COL19A1: variants seen among roughly 807,000 people sequenced by gnomAD.
COL19A1 encodes the protein collagen type XIX alpha 1 chain.
COL19A1 carries 159 observed loss-of-function variants against 190.2 expected under a neutral mutation model. That is an observed-to-expected ratio of 0.84 (90% CI 0.73 to 0.95). COL19A1 has a LOEUF of 0.95. Ranked by LOEUF, COL19A1 falls within the 40% of genes least tolerant of loss-of-function variation. The pLI is 0.00. For missense variants in COL19A1, 1,418 were observed against 1,431.9 expected, an observed-to-expected ratio of 0.99 and a Z score of 0.16; for synonymous variants, 509 against 458.9, an observed-to-expected ratio of 1.11 and a Z score of -1.39.
intron 11 of COL19A1, among the ~76,000 whole-genome samples, chr6:69,976,412 T>C (rs1249863139): frequency 6.6e-6 from 1 of 152,224 alleles, no homozygotes; most frequent in Non-Finnish European, 1.5e-5. Context: ...TATTTGATCA[T>C]TTAGGACCCA....
chr6:69,938,173 A>G (rs1470329904), intron 9 of COL19A1, 73 bp downstream of exon 9: 3 of 1,360,782 alleles, frequency 2.2e-6, no homozygotes, highest in Non-Finnish European at 2.1e-6. Context: ...TGTTCATCTC[A>G]TTTTTCTTTA....
At chr6:70,067,688 CCCGCATTTAATGGTTG>C (rs1781326137) in intron 14 of COL19A1, among the ~76,000 whole-genome samples, 2 of 151,994 alleles carry the variant, frequency 1.3e-5, no homozygotes. Flanking sequence ...ACAAAAATCT[CCCGCATTTAATGGTTG>C]ATTAGGGAAG....
At chr6:70,161,976 G>A (rs1459343142) in intron 35 of COL19A1, 23 bp downstream of exon 35, 1 of 1,579,456 alleles carries the variant, frequency 6.3e-7, no homozygotes, top group African/African-American at 1.4e-5. Context: ...TAAAACGATT[G>A]CACTCACAGC....
At position 70,121,862 on chromosome 6, in the gene COL19A1, G is replaced by C. The variant is rs772150703; in HGVS notation, c.1279-18G>C. 74 of 1,502,280 alleles carry C rather than the reference G, an allele frequency of 4.9e-5. No individual in the cohort carries two copies. The highest frequency in any genetic ancestry group is 6.5e-5 in the Non-Finnish European group (72 of 1,103,396). 93.1% of individuals were successfully genotyped at this position (1,502,280 alleles called of 1,614,324 possible). On this transcript the variant is annotated intron_variant, in intron 16 of 50. Transcript: ENST00000620364. ...GGTAAATGTGTATATATTTGTCTTT[G>C]ATTTGTTTATAATACAGGGACCTCC...
At chr6:69,963,817 T>A (rs1352686717) in intron 11 of COL19A1, among the ~76,000 whole-genome samples, 2 of 152,216 alleles carry the variant, frequency 1.3e-5, no homozygotes, top group Non-Finnish European at 2.9e-5. Flanking sequence ...TTATAATAAA[T>A]AACTACTGAA....
chr6:69,925,454 T>G lies in COL19A1; in HGVS notation c.267-2455T>G, dbSNP rs560172107. Among the ~76,000 whole-genome samples the G allele has an allele frequency of 3.9e-5, 6 of 152,330 alleles. No individual in the cohort carries two copies. In the East Asian group the frequency reaches 1.2e-3, roughly 29 times the overall value. ...TGTTCCATTGGTCTATATCTCTGTT[T>G]TGATACCAGTACCATGCTGTTTTGG... On this transcript the variant is annotated intron_variant, in intron 4 of 50. Transcript: ENST00000620364.
chr6:70,173,379 G>T (rs888119883), intron 41 of COL19A1, among the ~76,000 whole-genome samples: 2 of 152,138 alleles, frequency 1.3e-5, no homozygotes, highest in African/African-American at 2.4e-5. Flanking sequence ...CAAGGATTGA[G>T]CCCCAAGGCC....
In COL19A1 at chr6:70,208,954, T is replaced by A. The variant is rs1373805840; in HGVS notation, c.*1680T>A. 1.3e-5 allele frequency: 2 copies of A among 152,660 alleles called. No homozygotes were observed. The highest frequency in any genetic ancestry group is 2.9e-5 in the Non-Finnish European group (2 of 68,034). The allele number at this position is 152,660 out of a possible 1,614,324, so 9.5% of individuals were successfully genotyped here. A position where few individuals can be genotyped will look rare whatever the true frequency, so the allele number is the denominator to read the frequency against. ...CCTATAACATTTTAGGTATTTCATA[T>A]TGAATTATGCTGTATATTTCAATTC... On this transcript the variant is annotated 3_prime_UTR_variant, in exon 51 of 51. Coordinates refer to ENST00000620364, the MANE Select transcript of COL19A1 (RefSeq NM_001858.6).
intron 41 of COL19A1, among the ~76,000 whole-genome samples, chr6:70,176,129 G>A (rs780269768): frequency 2.0e-5 from 3 of 152,232 alleles, no homozygotes; most frequent in Admixed American, 2.0e-4. Context: ...GATAGGAAAA[G>A]CTTTTTGGAA....
intron 48 of COL19A1, among the ~76,000 whole-genome samples, chr6:70,196,822 C>T (rs1365615911): frequency 6.6e-6 from 1 of 152,024 alleles, no homozygotes; most frequent in Admixed American, 6.6e-5. Context: ...AGAGGAAAAG[C>T]AATTAAGAAT....
intron 4 of COL19A1, among the ~76,000 whole-genome samples, chr6:69,925,702 T>C (rs1463009185): frequency 2.0e-5 from 3 of 152,224 alleles, no homozygotes; most frequent in Admixed American, 1.3e-4. Flanking sequence ...ATGATATTGG[T>C]TCTTCCTATC....
chr6:70,101,667 C>G (rs1783638696), intron 15 of COL19A1, among the ~76,000 whole-genome samples: 1 of 152,040 alleles, frequency 6.6e-6, no homozygotes, highest in Non-Finnish European at 1.5e-5. Flanking sequence ...TTTAAAAATG[C>G]AGATTCGTGG....
chr6:69,916,817 G>C (rs1771341439), intron 4 of COL19A1, among the ~76,000 whole-genome samples: 1 of 152,092 alleles, frequency 6.6e-6, no homozygotes, highest in African/African-American at 2.4e-5. Context: ...ATGATGAGGG[G>C]AATTTTATTC....
At chr6:69,913,109 G>A (rs755595765) in intron 4 of COL19A1, among the ~76,000 whole-genome samples, 2 of 151,934 alleles carry the variant, frequency 1.3e-5, no homozygotes, top group African/African-American at 4.8e-5. Flanking sequence ...AAAATAAAAA[G>A]TATGAATACG....
intron 2 of COL19A1, among the ~76,000 whole-genome samples, chr6:69,881,607 T>C (rs1290116549): frequency 6.6e-6 from 1 of 152,246 alleles, no homozygotes; most frequent in Non-Finnish European, 1.5e-5. Flanking sequence ...AATGCATATA[T>C]TCTGATCCAA....
At chr6:69,915,650 A>T (rs2149992025) in intron 4 of COL19A1, among the ~76,000 whole-genome samples, 1 of 152,328 alleles carries the variant, frequency 6.6e-6, no homozygotes, top group East Asian at 1.9e-4. Flanking sequence ...ATAATGTAGG[A>T]TTGGTGCAAA....
chr6:69,929,388 T>C lies in COL19A1; in HGVS notation c.391-37T>C, dbSNP rs191271891. 557 of 1,583,482 alleles carry C rather than the reference T, an allele frequency of 3.5e-4. 4 individuals carry two copies. In the African/African-American group the frequency reaches 6.7e-3, roughly 19 times the overall value. On this transcript the variant is annotated intron_variant, in intron 5 of 50. Transcript: ENST00000620364. ...GTGCTTTAATAATTTTGAACATTGA[T>C]TTTTAAAACATTTAAAGATACTTTA... is the stretch of plus-strand genomic sequence containing the variant.
chr6:70,110,168 T>C (rs965122480), intron 16 of COL19A1, among the ~76,000 whole-genome samples: 1 of 152,190 alleles, frequency 6.6e-6, no homozygotes, highest in South Asian at 2.1e-4. Context: ...ATTTGATCAC[T>C]TGTTAAAATA....
chr6:70,085,638 G>A (rs3806015), intron 15 of COL19A1, among the ~76,000 whole-genome samples: 28,871 of 152,044 alleles, frequency 0.19, 3,937 homozygotes, highest in African/African-American at 0.36. Flanking sequence ...GTGGACTGCA[G>A]ATGTTTCATA....
Sources: allele counts gnomAD v4.1 joint callset (sites outside exome capture counted in the v4.1 genomes callset), GRCh38; gene constraint gnomAD v4.1.1; transcripts MANE v1.5; gene names NCBI Gene and HGNC (gene_info 2026-07-23, HGNC 2026-07-21).